The following PACSIN2 variants were observed in gnomAD, a reference collection of about 807,000 sequenced individuals.
The protein encoded by PACSIN2 is protein kinase C and casein kinase substrate in neurons 2.
Under a neutral mutation model 63.8 loss-of-function variants are expected in PACSIN2, and 25 were observed. The ratio of observed to expected loss-of-function variants is 0.39; its 90% CI spans 0.29 to 0.55. PACSIN2 has a LOEUF of 0.55. PACSIN2 is among the 20% of genes least tolerant of loss of function. PACSIN2 has a pLI of 0.62. For missense variants in PACSIN2, 518 were observed against 646.9 expected (o/e 0.80, Z 2.16); for synonymous variants, 255 against 256.2 (o/e 1.00, Z 0.05).
At chr22:42,903,260 GGTGTGC>G (rs1160806794) in intron 2 of PACSIN2, among the ~76,000 whole-genome samples, 1 of 152,166 alleles carries the variant, frequency 6.6e-6, no homozygotes, top group African/African-American at 2.4e-5. Context: ...CCCTGGGGAG[GGTGTGC>G]GTGTGCCTGG....
chr22:42,872,577 G>A (rs1182190235), intron 10 of PACSIN2, among the ~76,000 whole-genome samples: 1 of 152,242 alleles, frequency 6.6e-6, no homozygotes, highest in Non-Finnish European at 1.5e-5. Flanking sequence ...CATGCCTGCG[G>A]AGCTAATACC....
At chr22:42,890,472 CT>C (rs1392440074) in intron 4 of PACSIN2, among the ~76,000 whole-genome samples, 2 of 151,982 alleles carry the variant, frequency 1.3e-5, no homozygotes, top group African/African-American at 2.4e-5. Flanking sequence ...AATTCCAGCA[CT>C]TTGGGAGGCC....
chr22:42,952,841 T>A (rs1332715793), intron 1 of PACSIN2, among the ~76,000 whole-genome samples: 1 of 152,018 alleles, frequency 6.6e-6, no homozygotes, highest in Non-Finnish European at 1.5e-5. Context: ...TTTTGTGTGT[T>A]TTTTAGTAGA....
intron 2 of PACSIN2, among the ~76,000 whole-genome samples, chr22:42,894,521 G>A (rs555804538): frequency 3.0e-4 from 46 of 152,318 alleles, no homozygotes; most frequent in African/African-American, 8.2e-4. Context: ...GATTACAGGC[G>A]TGAGGCACCG....
chr22:42,989,816 G>GA (rs756445109), intron 1 of PACSIN2, among the ~76,000 whole-genome samples: 20 of 106,024 alleles, frequency 1.9e-4, no homozygotes, highest in Non-Finnish European at 3.2e-4. Flanking sequence ...AACAAAACAA[G>GA]AAAGAAAAAA....
chr22:42,971,310 C>G (rs1807572), intron 1 of PACSIN2, among the ~76,000 whole-genome samples: 91,680 of 152,096 alleles, frequency 0.6, 28,186 homozygotes, highest in East Asian at 0.78. Flanking sequence ...TGGTCTCCAG[C>G]TCCCGACCGC....
At chr22:42,910,258 T>C (rs770486308) in intron 2 of PACSIN2, among the ~76,000 whole-genome samples, 14 of 152,182 alleles carry the variant, frequency 9.2e-5, no homozygotes, top group South Asian at 4.1e-4. Context: ...CAGGGAATGA[T>C]TGGTGCCAGC....
At chr22:42,971,425 C>T (rs569335286) in intron 1 of PACSIN2, among the ~76,000 whole-genome samples, 4 of 152,194 alleles carry the variant, frequency 2.6e-5, no homozygotes, top group Admixed American at 6.5e-5. Context: ...GGCGTGATCT[C>T]GGCTCGCTAC....
chr22:42,951,330 T>G (rs1200129432), intron 1 of PACSIN2, among the ~76,000 whole-genome samples: 4 of 152,182 alleles, frequency 2.6e-5, no homozygotes, highest in Non-Finnish European at 5.9e-5. Context: ...CTTATCACCC[T>G]GTGCACACCC....
chr22:42,891,013 C>T lies in PACSIN2; in HGVS notation c.387G>A (p.Lys129=), dbSNP rs1400848596. 1 of 1,614,180 alleles carries T rather than the reference C, an allele frequency of 6.2e-7. No individual in the cohort carries two copies. Among genetic ancestry groups the T allele is most frequent in the East Asian group, 2.2e-5 (1 of 44,860 alleles). Residue 129 remains lysine (K), a synonymous_variant, in exon 4 of 11, where the codon AAG becomes AAA. Transcript: ENST00000263246. ...AGCCGTCCTCAGCTTCCTTGGTCTC[C>T]TTGAAGCCGCCCATCATCTGCTTGT... The part of the protein sequence containing the change: ...AFHKQMMGGF[K]ETKEAEDGFR...
rs1016672802 is a variant in PACSIN2 at position 42,996,516 on chromosome 22, A to G, written c.-78+18505T>C. Among the ~76,000 whole-genome samples the G allele has an allele frequency of 4.8e-5, 7 of 144,930 alleles. No individual in the cohort carries two copies. In the East Asian group the frequency reaches 1.4e-3, roughly 30 times the overall value. On this transcript the variant is annotated intron_variant, in intron 1 of 10. Transcript: ENST00000263246. ...CACTGCACTCCAGCCTGGGTGACAG[A>G]GCAAGACTCTGCCGCAAAAAAAAAA... is the stretch of plus-strand genomic sequence containing the variant.
chr22:42,887,441 G>C (rs1297860697), intron 5 of PACSIN2, among the ~76,000 whole-genome samples: 1 of 152,148 alleles, frequency 6.6e-6, no homozygotes. Flanking sequence ...AACTGACAGG[G>C]GCCAGGAAAG....
intron 2 of PACSIN2, among the ~76,000 whole-genome samples, chr22:42,906,306 G>A (rs998081074): frequency 1.3e-5 from 2 of 152,250 alleles, no homozygotes; most frequent in African/African-American, 4.8e-5. Context: ...TAGAGATTGG[G>A]CAGCAAAGGC....
At chr22:42,962,310 A>T (rs374366725) in intron 1 of PACSIN2, among the ~76,000 whole-genome samples, 2 of 152,196 alleles carry the variant, frequency 1.3e-5, no homozygotes, top group East Asian at 3.9e-4. Flanking sequence ...TTTACACAGC[A>T]CTTACTTTAT....
intron 1 of PACSIN2, among the ~76,000 whole-genome samples, chr22:42,939,434 G>A (rs942840111): frequency 5.3e-5 from 8 of 152,250 alleles, no homozygotes; most frequent in Non-Finnish European, 8.8e-5. Context: ...GTAAGAAGAT[G>A]TACAAGAGTC....
intron 1 of PACSIN2, among the ~76,000 whole-genome samples, chr22:42,971,679 G>A (rs1015124440): frequency 3.3e-5 from 5 of 151,878 alleles, no homozygotes; most frequent in African/African-American, 7.3e-5. Context: ...GAGAAGTGAG[G>A]AGCCCCTCCG....
intron 1 of PACSIN2, among the ~76,000 whole-genome samples, chr22:42,945,531 T>C (rs1933377900): frequency 6.6e-6 from 1 of 152,016 alleles, no homozygotes; most frequent in Admixed American, 6.6e-5. Context: ...ATGAGCCCAC[T>C]CCTGTTCCTG....
At chr22:43,011,356 C>T (rs1384912329) in intron 1 of PACSIN2, among the ~76,000 whole-genome samples, 1 of 152,202 alleles carries the variant, frequency 6.6e-6, no homozygotes, top group East Asian at 1.9e-4. Context: ...GCGGCCTCCA[C>T]AAAGCTGCCA....
chr22:42,880,026 T>C (rs1053061254), intron 7 of PACSIN2, among the ~76,000 whole-genome samples: 1 of 152,178 alleles, frequency 6.6e-6, no homozygotes, highest in Admixed American at 6.5e-5. Flanking sequence ...GAATGGAGAC[T>C]GTGTCTTGAT....
Sources: allele counts gnomAD v4.1 joint callset (sites outside exome capture counted in the v4.1 genomes callset), GRCh38; gene constraint gnomAD v4.1.1; transcripts MANE v1.5; gene names NCBI Gene and HGNC (gene_info 2026-07-23, HGNC 2026-07-21).